SMIM22: variants seen among roughly 807,000 people sequenced by gnomAD.
SMIM22 encodes cancer associated small integral membrane open reading frame 1.
A neutral mutation model predicts 8.4 loss-of-function variants in SMIM22; 16 were observed. The observed-to-expected ratio is 1.90, with a 90% CI of 1.29 to 2.89. The LOEUF (loss-of-function observed/expected upper bound fraction) is 2.89. Among genes scored for constraint, SMIM22 ranks in the 30% most tolerant of loss-of-function variants. The pLI, the probability that SMIM22 is intolerant of heterozygous loss-of-function variation, is 0.00. For synonymous variants in SMIM22, 67 were observed against 47.6 expected, an observed-to-expected ratio of 1.41 and a Z score of -1.68; for missense variants, 159 against 107.5, an observed-to-expected ratio of 1.48 and a Z score of -2.12.
Position 4,795,695 on chromosome 16 carries a change from C to A in SMIM22, c.-20-20C>A. The A allele has an allele frequency of 1.3e-6, 2 of 1,531,516 alleles. No individual in the cohort carries two copies. The highest frequency in any genetic ancestry group is 8.7e-7 in the Non-Finnish European group (1 of 1,145,048). The allele number at this position is 1,531,516 out of a possible 1,614,324, so 94.9% of individuals were successfully genotyped here. A position where few individuals can be genotyped will look rare whatever the true frequency, so the allele number is the denominator to read the frequency against. On this transcript the variant is annotated intron_variant, in intron 1 of 3. Transcript: ENST00000586005. Reference sequence around the variant, plus strand: ...AGCTGAGCCCAGGATCCTGATGCAGCCTCTGGGGGACCGGGGCAGGTGGCA... The same window carrying A: ...AGCTGAGCCCAGGATCCTGATGCAGACTCTGGGGGACCGGGGCAGGTGGCA...
At chr16:4,791,012 A>G (rs911104097), upstream of SMIM22, among the ~76,000 whole-genome samples, 12 of 152,194 alleles carry the variant, frequency 7.9e-5, no homozygotes, top group African/African-American at 2.9e-4. Context: ...TTAGTGGATG[A>G]ACAAATGGCT....
In SMIM22 at chr16:4,796,264, G is replaced by A. The variant is rs1277546422; in HGVS notation, c.*33G>A. 23 of 1,534,462 alleles carry A rather than the reference G, an allele frequency of 1.5e-5. No homozygotes were observed. Among genetic ancestry groups the A allele is most frequent in the Non-Finnish European group, 2.0e-5 (23 of 1,146,174 alleles). ...TCTCCTGCCCGGTGGCAGTAACAAA[G>A]CCTTCTGTCTGCCCAGAGCCTGAGT... On this transcript the variant is annotated 3_prime_UTR_variant, in exon 4 of 4. Transcript: ENST00000586005.
At chr16:4,794,583 G>A (rs936373320), upstream of SMIM22, among the ~76,000 whole-genome samples, 1 of 152,038 alleles carries the variant, frequency 6.6e-6, no homozygotes, top group Non-Finnish European at 1.5e-5. Context: ...ACCACGCCTG[G>A]CTAATTTTGT....
At position 4,795,505 on chromosome 16, in the gene SMIM22, T is replaced by C. The variant is rs1052424416; in HGVS notation, c.-21+56T>C. 7.8e-5 allele frequency: 45 copies of C among 577,292 alleles called. No individual in the cohort carries two copies. In the African/African-American group the frequency reaches 8.0e-4, roughly 10 times the overall value. 35.8% of individuals were successfully genotyped at this position (577,292 alleles called of 1,614,324 possible). A position where few individuals can be genotyped will look rare whatever the true frequency, so the allele number is the denominator to read the frequency against. On this transcript the variant is annotated intron_variant, in intron 1 of 3. Coordinates refer to ENST00000586005, the MANE Select transcript of SMIM22 (RefSeq NM_001253794.2). ...GGGGGAGAGAGAGGGGAGATGACAG[T>C]GGCTGGGGAGAAGGTTGTCAGGGTA... is the stretch of plus-strand genomic sequence containing the variant.
chr16:4,795,522 G>T, intron 1 of SMIM22, 73 bp downstream of exon 1: 1 of 659,956 alleles, frequency 1.5e-6, no homozygotes. Context: ...GGAGAAGGTT[G>T]TCAGGGTAAG....
At chr16:4,788,541 TCCCACCTCCAAGC>T (rs978515804) in exon 1 of SMIM22, 1 of 150,132 alleles carries the variant, frequency 6.7e-6, no homozygotes, top group Non-Finnish European at 1.5e-5. Context: ...TCAGCTGGGC[TCCCACCTCCAAGC>T]TGACGCCCTC....
chr16:4,795,149 TCAGCAGTGGCCAAGCACACAGGTGTTCC>T (rs1567589123), upstream of SMIM22: 1 of 139,246 alleles, frequency 7.2e-6, no homozygotes, highest in African/African-American at 2.7e-5. Flanking sequence ...ATTCACGAAG[TCAGCAGTGGCCAAGCACACAGGTGTTCC>T]CAGCTGCATA....
upstream of SMIM22, among the ~76,000 whole-genome samples, chr16:4,790,505 G>A (rs1787882552): frequency 1.3e-5 from 2 of 152,102 alleles, no homozygotes; most frequent in South Asian, 4.1e-4. Flanking sequence ...GAGGCTAGGG[G>A]TCAGCCAGGT....
rs1222714314 is a variant in SMIM22, at chr16:4,795,999, G to A, written c.176G>A (p.Ser59Asn). 6.6e-7 allele frequency: 1 copy of A among 1,508,264 alleles called. No homozygotes were observed. Among genetic ancestry groups the A allele is most frequent in the Non-Finnish European group, 8.8e-7 (1 of 1,133,214 alleles). The allele number at this position is 1,508,264 out of a possible 1,614,324, so 93.4% of individuals were successfully genotyped here. A position where few individuals can be genotyped will look rare whatever the true frequency, so the allele number is the denominator to read the frequency against. Residue 59 changes from serine to asparagine, a missense_variant, in exon 3 of 4, where the codon AGC (serine) becomes AAC (asparagine). Transcript: ENST00000586005. The stretch of plus-strand genomic sequence containing the variant: ...GTCGTCGCCCACTGCTGCTGCTGCA[G>A]CTCCCCCGGGCCCCGCAGGGAAAGC... ...LLVVAHCCCC[S>N]SPGPRRESPR...
rs1016029693 is a variant in SMIM22 at position 4,796,398 on chromosome 16, C to T, written c.*167C>T. ...TTCAGTCAGCACGACTGTGCCAGGT[C>T]ATCCTCAGTCACCTAGCTGGGAGGG... On this transcript the variant is annotated 3_prime_UTR_variant, in exon 4 of 4. Transcript: ENST00000586005. 6.6e-6 allele frequency: 5 copies of T among 752,692 alleles called. No individual in the cohort carries two copies. In the African/African-American group the frequency reaches 8.8e-5, roughly 13 times the overall value. 46.6% of individuals were successfully genotyped at this position (752,692 alleles called of 1,614,324 possible).
In SMIM22 at chr16:4,795,793, A is replaced by G; in HGVS notation, c.59A>G (p.Lys20Arg). 6.5e-7 allele frequency: 1 copy of G among 1,535,982 alleles called. No individual in the cohort carries two copies. The highest frequency in any genetic ancestry group is 8.7e-7 in the Non-Finnish European group (1 of 1,146,816). Residue 20 changes from lysine to arginine, a missense_variant, in exon 2 of 4, where the codon AAG (lysine) becomes AGG (arginine). By Grantham distance (26) the Lys-to-Arg change is conservative. Coordinates refer to ENST00000586005, the MANE Select transcript of SMIM22 (RefSeq NM_001253794.2). The stretch of plus-strand genomic sequence containing the variant: ...GTTCAGGAAGTCCTGGGGAGACTGA[A>G]GAGCCACCAGTTTTTCCAGTCCACA... ...ATVQEVLGRL[K>R]SHQFFQSTWD...
chr16:4,796,392 C>A lies in SMIM22; in HGVS notation c.*161C>A. The A allele has an allele frequency of 1.3e-6, 1 of 792,798 alleles. No individual in the cohort carries two copies. Among genetic ancestry groups the A allele is most frequent in the Non-Finnish European group, 2.0e-6 (1 of 508,202 alleles). The allele number at this position is 792,798 out of a possible 1,614,324, so 49.1% of individuals were successfully genotyped here. Reference sequence around the variant, plus strand: ...CAAGCCTTCAGTCAGCACGACTGTGCCAGGTCATCCTCAGTCACCTAGCTG... The same window carrying A: ...CAAGCCTTCAGTCAGCACGACTGTGACAGGTCATCCTCAGTCACCTAGCTG... On this transcript the variant is annotated 3_prime_UTR_variant, in exon 4 of 4. Coordinates refer to ENST00000586005, the MANE Select transcript of SMIM22 (RefSeq NM_001253794.2).
intron 2 of SMIM22, among the ~76,000 whole-genome samples, chr16:4,790,339 T>A (rs2082532818): frequency 6.6e-6 from 1 of 152,164 alleles, no homozygotes; most frequent in Non-Finnish European, 1.5e-5. Flanking sequence ...CGTGGCTGTG[T>A]CTAAGTAAAA....
chr16:4,796,305 G>C lies in SMIM22; in HGVS notation c.*74G>C. 6.6e-7 allele frequency: 1 copy of C among 1,506,288 alleles called. No individual in the cohort carries two copies. The highest frequency in any genetic ancestry group is 2.5e-5 in the East Asian group (1 of 40,614). The allele number at this position is 1,506,288 out of a possible 1,614,324, so 93.3% of individuals were successfully genotyped here. A position where few individuals can be genotyped will look rare whatever the true frequency, so the allele number is the denominator to read the frequency against. ...GAGCCTGAGTCTGCAGTGTCTTCCA[G>C]TCCCCGTCTGGGTGGGTGACGCGGG... is the stretch of plus-strand genomic sequence containing the variant. On this transcript the variant is annotated 3_prime_UTR_variant, in exon 4 of 4. Transcript: ENST00000586005.
chr16:4,795,578 G>C (rs1413407894), intron 1 of SMIM22, 129 bp downstream of exon 1: 3 of 1,085,130 alleles, frequency 2.8e-6, no homozygotes, highest in Non-Finnish European at 2.6e-6. Context: ...GGGGCCGAGG[G>C]AGAAGTGGAG....
At chr16:4,796,154 G>C in intron 3 of SMIM22, 36 bp from the exon 4 acceptor site, 1 of 1,535,950 alleles carries the variant, frequency 6.5e-7, no homozygotes, top group South Asian at 1.2e-5. Context: ...GGAACAACGA[G>C]CGAACCTGCT....
Position 4,795,790 on chromosome 16 carries a change from T to G in SMIM22, c.56T>G (p.Leu19Arg). The G allele has an allele frequency of 1.3e-6, 2 of 1,535,970 alleles. No homozygotes were observed. Among genetic ancestry groups the G allele is most frequent in the Non-Finnish European group, 1.7e-6 (2 of 1,146,814 alleles). ...ACGGTTCAGGAAGTCCTGGGGAGAC[T>G]GAAGAGCCACCAGTTTTTCCAGTCC... ...EATVQEVLGR[L>R]KSHQFFQSTW... is the part of the protein sequence containing the mutation. Residue 19 changes from leucine (L) to arginine (R), a missense_variant, in exon 2 of 4, where the codon CTG becomes CGG. Coordinates refer to ENST00000586005, the MANE Select transcript of SMIM22 (RefSeq NM_001253794.2).
intron 2 of SMIM22, among the ~76,000 whole-genome samples, chr16:4,789,220 C>T (rs2082509432): frequency 6.6e-6 from 1 of 152,210 alleles, no homozygotes; most frequent in African/African-American, 2.4e-5. Context: ...CCACATTGGT[C>T]AGGCTAGTCA....
In SMIM22 at chr16:4,796,484, G is replaced by A. The variant is rs1423549660; in HGVS notation, c.*253G>A. 7 of 497,216 alleles carry A rather than the reference G, an allele frequency of 1.4e-5. No homozygotes were observed. Among genetic ancestry groups the A allele is most frequent in the East Asian group, 3.7e-5 (1 of 26,842 alleles). The allele number at this position is 497,216 out of a possible 1,614,324, so 30.8% of individuals were successfully genotyped here. On this transcript the variant is annotated 3_prime_UTR_variant, in exon 4 of 4. Transcript: ENST00000586005. ...TATAATCCCAGCACTTTGGGAGGCCGAGGTGGGCGGATCACGAGGTCAGGA... is the reference window on the plus strand; with the variant it reads ...TATAATCCCAGCACTTTGGGAGGCCAAGGTGGGCGGATCACGAGGTCAGGA...
Sources: gnomAD v4.1 joint callset for allele counts (sites outside exome capture counted in the v4.1 genomes callset) on GRCh38, gnomAD v4.1.1 for gene constraint, MANE v1.5 for transcripts, NCBI Gene and HGNC (gene_info 2026-07-23, HGNC 2026-07-21) for gene names.